The following SLC30A3 variants were observed in gnomAD, a reference collection of about 807,000 sequenced individuals.
SLC30A3 encodes solute carrier family 30 member 3.
SLC30A3 carries 20 observed loss-of-function variants against 35.6 expected under a neutral mutation model. That is an observed-to-expected ratio of 0.56 (90% CI 0.39 to 0.82). The LOEUF (loss-of-function observed/expected upper bound fraction) is 0.82. Ranked by LOEUF, SLC30A3 falls within the 40% of genes least tolerant of loss-of-function variation. SLC30A3 has a pLI of 0.00. For synonymous variants in SLC30A3, 217 were observed against 224.7 expected (o/e 0.97, Z 0.31); for missense variants, 401 against 530.6 (o/e 0.76, Z 2.40).
In SLC30A3 at chr2:27,254,822, C is replaced by A. The variant is rs1676745146; in HGVS notation, c.*490G>T. On this transcript the variant is annotated 3_prime_UTR_variant, in exon 8 of 8. Transcript: ENST00000233535. ...CACAGACAAAACCACAGGGCTAAGA[C>A]ACACGGACAAAGTGCGGGCTTTGGG... 4 of 298,154 alleles carry A rather than the reference C, an allele frequency of 1.3e-5. No individual in the cohort carries two copies. The highest frequency in any genetic ancestry group is 9.5e-5 in the Admixed American group (2 of 20,972). 18.5% of individuals were successfully genotyped at this position (298,154 alleles called of 1,614,324 possible). A position where few individuals can be genotyped will look rare whatever the true frequency, so the allele number is the denominator to read the frequency against.
chr2:27,256,376 T>G lies in SLC30A3; in HGVS notation c.1018+10A>C. ...CCAGGTAGTAACTAGCTGGGGCCAG[T>G]GTGACTCACCGATGGCCAGGTGTGC... On this transcript the variant is annotated intron_variant, in intron 7 of 7. Transcript: ENST00000233535. 1.2e-6 allele frequency: 2 copies of G among 1,613,858 alleles called. No homozygotes were observed. The highest frequency in any genetic ancestry group is 2.7e-5 in the African/African-American group (2 of 75,012).
At position 27,254,152 on chromosome 2, in the gene SLC30A3, G is replaced by A. The variant is rs1236706238; in HGVS notation, c.*1160C>T. Reference sequence around the variant, plus strand: ...TCAGGGTTGAGGGGTCCCTACCGCTGGACACCTTAGATGGCCTGAGAACCA... The same window carrying A: ...TCAGGGTTGAGGGGTCCCTACCGCTAGACACCTTAGATGGCCTGAGAACCA... On this transcript the variant is annotated 3_prime_UTR_variant, in exon 8 of 8. Transcript: ENST00000233535. 1 of 152,212 alleles carries A rather than the reference G, an allele frequency of 6.6e-6. No individual in the cohort carries two copies. The highest frequency in any genetic ancestry group is 2.4e-5 in the African/African-American group (1 of 41,434). 9.4% of individuals were successfully genotyped at this position (152,212 alleles called of 1,614,324 possible).
chr2:27,269,422 T>C (rs1484974624), intron 1 of SLC30A3, among the ~76,000 whole-genome samples: 2 of 152,044 alleles, frequency 1.3e-5, no homozygotes, highest in Non-Finnish European at 2.9e-5. Flanking sequence ...TTAGCCAGGA[T>C]GGTCTCGATC....
chr2:27,261,697 C>A (rs867512941), intron 1 of SLC30A3, among the ~76,000 whole-genome samples: 6 of 152,134 alleles, frequency 3.9e-5, no homozygotes, highest in South Asian at 2.1e-4. Flanking sequence ...AAACCCCCAA[C>A]CAACAACCGA....
chr2:27,271,091 T>C lies in SLC30A3; in HGVS notation c.-159+4086A>G, dbSNP rs1265792258. Among the ~76,000 whole-genome samples, 4 of 152,184 alleles carry C rather than the reference T, an allele frequency of 2.6e-5. No individual in the cohort carries two copies. The highest frequency in any genetic ancestry group is 9.7e-5 in the African/African-American group (4 of 41,444). ...GGCTGCACTTTCTTCAATTATAAAATGAAGGCGTTGGATTCAAGTTAAATC... is the reference window on the plus strand; with the variant it reads ...GGCTGCACTTTCTTCAATTATAAAACGAAGGCGTTGGATTCAAGTTAAATC... On this transcript the variant is annotated intron_variant, in intron 1 of 5. Transcript: ENST00000424577. This position sits in a 1 kb window ranked among gnomAD's most constrained non-coding sequence, Gnocchi z 4.3.
intron 6 of SLC30A3, 41 bp from the exon 7 acceptor site, chr2:27,256,561 C>G: frequency 6.2e-7 from 1 of 1,611,614 alleles, no homozygotes; most frequent in Non-Finnish European, 8.5e-7. Flanking sequence ...TAGGGCTACT[C>G]CTGCCCAGAA....
At chr2:27,260,858 T>C in intron 1 of SLC30A3, among the ~76,000 whole-genome samples, 1 of 152,150 alleles carries the variant, frequency 6.6e-6, no homozygotes, top group Non-Finnish European at 1.5e-5. Flanking sequence ...CCAGAGGAGA[T>C]GGCGTGGTGA....
upstream of SLC30A3, chr2:27,275,411 C>G (rs373937378): frequency 5.4e-6 from 2 of 373,800 alleles, no homozygotes; most frequent in African/African-American, 4.2e-5. Flanking sequence ...CCAGTGCTTC[C>G]GGGGGCGCCA....
rs767827094 is a variant in SLC30A3, at chr2:27,258,219, G to A, written c.366C>T (p.Ser122=). The change falls in exon 3 of 8, where the codon TCC becomes TCT. Residue 122 remains serine (S), a synonymous_variant. Coordinates refer to ENST00000233535, the MANE Select transcript of SLC30A3 (RefSeq NM_003459.5). This position sits in a 1 kb window ranked among gnomAD's most constrained non-coding sequence, Gnocchi z 4.0. ...TGGCTGGACGGGTGGAGAGCCAGAG[G>A]GAGAAGAGGCTGCCCATCATGCTGC... The part of the protein sequence containing the change: ...DVGSMMGSLF[S]LWLSTRPATR... 2.5e-6 allele frequency: 4 copies of A among 1,596,586 alleles called. No homozygotes were observed. Among genetic ancestry groups the A allele is most frequent in the East Asian group, 2.2e-5 (1 of 44,646 alleles).
chr2:27,257,300 C>T lies in SLC30A3; in HGVS notation c.631G>A (p.Gly211Arg). ...TCCTCCAGCGGTGCATACTCTGCTC[C>T]CCTAGACCCGTGGCTGTGGGGGGGC... ...AGPPHSHGSR[G>R]AEYAPLEEGP... is the part of the protein sequence containing the mutation. The change falls in exon 5 of 8, where the codon GGA becomes AGA. Residue 211 changes from glycine to arginine, a missense_variant. This residue lies in a region of SLC30A3 where 296 missense variants were observed against 392.6 expected (regional missense o/e 0.75). Coordinates refer to ENST00000233535, the MANE Select transcript of SLC30A3 (RefSeq NM_003459.5). The surrounding 1 kb of genome is among the most constrained non-coding windows in gnomAD (Gnocchi z 4.7). The T allele has an allele frequency of 1.9e-6, 3 of 1,613,902 alleles. No individual in the cohort carries two copies. The highest frequency in any genetic ancestry group is 1.1e-5 in the South Asian group (1 of 91,058).
rs754248017 is a variant in SLC30A3 at position 27,256,780 on chromosome 2, C to T, written c.883+8G>A. The T allele has an allele frequency of 1.8e-5, 29 of 1,585,420 alleles. No homozygotes were observed. Among genetic ancestry groups the T allele is most frequent in the East Asian group, 6.7e-5 (3 of 44,644 alleles). On this transcript the variant is annotated splice_region_variant and intron_variant, in intron 6 of 7. Coordinates refer to ENST00000233535, the MANE Select transcript of SLC30A3 (RefSeq NM_003459.5). ...CACAGGGATGGGGAGCTGTGGTGCC[C>T]GACTCACCTTCCATGAGGATTCGAA...
intron 7 of SLC30A3, 152 bp downstream of exon 7, chr2:27,256,234 G>C: frequency 1.2e-6 from 1 of 825,500 alleles, no homozygotes; most frequent in Non-Finnish European, 1.9e-6. Context: ...GCATGTGTGT[G>C]TGTGTGTATG....
chr2:27,260,953 A>C (rs547430838), intron 1 of SLC30A3, among the ~76,000 whole-genome samples: 211 of 152,288 alleles, frequency 1.4e-3, no homozygotes, highest in Admixed American at 3.1e-3. Context: ...GGTGGGAAAG[A>C]CAGATTGTAA....
At chr2:27,264,548 G>A (rs1488079262), upstream of SLC30A3, among the ~76,000 whole-genome samples, 1 of 152,158 alleles carries the variant, frequency 6.6e-6, no homozygotes, top group Non-Finnish European at 1.5e-5. This position sits in a 1 kb window ranked among gnomAD's most constrained non-coding sequence, Gnocchi z 6.1. Flanking sequence ...GGACTGTCCT[G>A]CGCCGCTGCT....
chr2:27,257,404 T>C lies in SLC30A3; in HGVS notation c.579-52A>G, dbSNP rs993629222. On this transcript the variant is annotated intron_variant, in intron 4 of 7. Transcript: ENST00000233535. The surrounding 1 kb of genome is among the most constrained non-coding windows in gnomAD (Gnocchi z 4.7). ...CTAGGGCCCTGCTCCTGGCCTCCTA[T>C]ACCCCCATCTCCATGTCTCACCTCC... 10 of 1,517,032 alleles carry C rather than the reference T, an allele frequency of 6.6e-6. No individual in the cohort carries two copies. Among genetic ancestry groups the C allele is most frequent in the Non-Finnish European group, 9.0e-6 (10 of 1,114,014 alleles). The allele number at this position is 1,517,032 out of a possible 1,614,324, so 94.0% of individuals were successfully genotyped here. A position where few individuals can be genotyped will look rare whatever the true frequency, so the allele number is the denominator to read the frequency against.
chr2:27,258,181 G>T lies in SLC30A3; in HGVS notation c.404C>A (p.Thr135Asn). Reference sequence around the variant, plus strand: ...CTTACCTGAACGGTGCCAGCCAAAGGTCATGGTGCGGGTGGCTGGACGGGT... The same window carrying T: ...CTTACCTGAACGGTGCCAGCCAAAGTTCATGGTGCGGGTGGCTGGACGGGT... Reference protein sequence around the residue: ...LSTRPATRTMTFGWHRSETLG... With the variant: ...LSTRPATRTMNFGWHRSETLG... The change falls in exon 3 of 8, where the codon ACC becomes AAC. Residue 135 changes from threonine (T) to asparagine (N), a missense_variant. By Grantham distance (65) the Thr-to-Asn change is moderately conservative. This residue lies in a region of SLC30A3 where 296 missense variants were observed against 392.6 expected (regional missense o/e 0.75). Transcript: ENST00000233535. The surrounding 1 kb of genome is among the most constrained non-coding windows in gnomAD (Gnocchi z 4.0). 6.3e-7 allele frequency: 1 copy of T among 1,597,532 alleles called. No individual in the cohort carries two copies.
chr2:27,265,512 CA>C (rs1677461373), upstream of SLC30A3, among the ~76,000 whole-genome samples: 1 of 152,182 alleles, frequency 6.6e-6, no homozygotes, highest in Non-Finnish European at 1.5e-5. This position sits in a 1 kb window ranked among gnomAD's most constrained non-coding sequence, Gnocchi z 5.9. Flanking sequence ...CTGGAGATTT[CA>C]GGCAAATTTT....
At position 27,256,215 on chromosome 2, in the gene SLC30A3, A is replaced by C; in HGVS notation, c.1018+171T>G. The C allele has an allele frequency of 1.4e-5, 10 of 723,748 alleles. No homozygotes were observed. In the South Asian group the frequency reaches 1.5e-4, roughly 11 times the overall value. The allele number at this position is 723,748 out of a possible 1,614,324, so 44.8% of individuals were successfully genotyped here. A position where few individuals can be genotyped will look rare whatever the true frequency, so the allele number is the denominator to read the frequency against. ...AGACTCCTTGTCTCCAACATGCACG[A>C]GCGCACGTGCATGTGTGTGTGTGTG... On this transcript the variant is annotated intron_variant, in intron 7 of 7. Coordinates refer to ENST00000233535, the MANE Select transcript of SLC30A3 (RefSeq NM_003459.5).
chr2:27,259,024 G>T, intron 1 of SLC30A3, 90 bp from the exon 2 acceptor site: 2 of 1,035,782 alleles, frequency 1.9e-6, no homozygotes, highest in Non-Finnish European at 1.4e-6. Flanking sequence ...GGCCTCATCA[G>T]ACCATCTCCT....
Sources: gnomAD v4.1 joint callset for allele counts (sites outside exome capture counted in the v4.1 genomes callset) on GRCh38, gnomAD v4.1.1 for gene constraint, gnomAD v4.1.1 regional missense constraint, Gnocchi (gnomAD v3.1) non-coding constraint, MANE v1.5 for transcripts, NCBI Gene and HGNC (gene_info 2026-07-23, HGNC 2026-07-21) for gene names.